Variants in COL6A5 observed in about 807,000 individuals in gnomAD.
The protein encoded by COL6A5 is collagen alpha-5(VI) chain.
Under a neutral mutation model 65.6 loss-of-function variants are expected in COL6A5, and 48 were observed. The observed-to-expected ratio is 0.73, with a 90% CI of 0.58 to 0.93. The LOEUF (loss-of-function observed/expected upper bound fraction) is 0.93. Ranked by LOEUF, COL6A5 falls within the 40% of genes least tolerant of loss-of-function variation. The pLI is 0.00. For missense variants in COL6A5, 914 were observed against 928.3 expected (o/e 0.98, Z 0.20); for synonymous variants, 291 against 322.8 (o/e 0.90, Z 1.05).
At chr3:130,450,093 TGGTTTGTTGGG>T (rs1709397579) in intron 4 of COL6A5, among the ~76,000 whole-genome samples, 2 of 5,646 alleles carry the variant, frequency 3.5e-4, no homozygotes, top group African/African-American at 4.6e-4. Flanking sequence ...GGGACCCATT[TGGTTTGTTGGG>T]ACCCATTTGG....
chr3:130,366,079 A>T, intron 1 of COL6A5, among the ~76,000 whole-genome samples: 1 of 152,168 alleles, frequency 6.6e-6, no homozygotes. Flanking sequence ...AATGCTGCTG[A>T]TTTGGGGCCT....
intron 7 of COL6A5, among the ~76,000 whole-genome samples, chr3:130,394,511 C>A (rs917122312): frequency 3.3e-5 from 5 of 152,096 alleles, no homozygotes; most frequent in Non-Finnish European, 1.5e-5. Context: ...AATAATAGTA[C>A]AGTAAGTAAG....
At chr3:130,478,256 G>A (rs1292092763) in intron 7 of COL6A5, among the ~76,000 whole-genome samples, 1 of 152,100 alleles carries the variant, frequency 6.6e-6, no homozygotes, top group Non-Finnish European at 1.5e-5. Context: ...TGTTGATGAT[G>A]ACAGTGATGA....
intron 7 of COL6A5, among the ~76,000 whole-genome samples, chr3:130,480,394 T>C (rs114985673): frequency 0.014 from 2,087 of 152,112 alleles, 56 homozygotes; most frequent in African/African-American, 0.048. Flanking sequence ...CAGAGAATTA[T>C]GATTAGGCAA....
exon 4 of COL6A5, chr3:130,379,453 G>C: frequency 6.4e-7 from 1 of 1,551,046 alleles, no homozygotes. Flanking sequence ...AGATTCACTC[G>C]CTGACCTCGT....
intron 1 of COL6A5, among the ~76,000 whole-genome samples, chr3:130,362,351 T>C (rs1377996694): frequency 7.5e-6 from 1 of 133,442 alleles, no homozygotes; most frequent in Non-Finnish European, 1.6e-5. Context: ...TTTTTTTGCA[T>C]GTGGATGTCT....
chr3:130,459,482 T>C (rs143869219), intron 5 of COL6A5, among the ~76,000 whole-genome samples: 2 of 152,160 alleles, frequency 1.3e-5, no homozygotes, highest in Admixed American at 1.3e-4. Flanking sequence ...TCTGGAGACA[T>C]TTTTTTAATT....
At position 130,385,236 on chromosome 3, in the gene COL6A5, T is replaced by C. The variant is rs1343308027; in HGVS notation, c.1733T>C (p.Ile578Thr). The C allele has an allele frequency of 8.4e-6, 13 of 1,550,920 alleles. No individual in the cohort carries two copies. The Admixed American group carries it at 1.4e-4, about 16-fold the overall frequency. The stretch of plus-strand genomic sequence containing the variant: ...CAAATCACTGTTCATGCAGTTGGCA[T>C]TGGGGCAGCTAATAAAATAGAACTG... Residue 578 changes from isoleucine (I) to threonine (T), a missense_variant and NMD_transcript_variant, in exon 5 of 42, where the codon ATT becomes ACT. Transcript: ENST00000312481.
rs887215013 is a variant in COL6A5, at chr3:130,390,910, T to C, written c.2417-269T>C. Among the ~76,000 whole-genome samples the C allele has an allele frequency of 2.0e-5, 3 of 152,142 alleles. No individual in the cohort carries two copies. The South Asian group carries it at 6.2e-4, about 31-fold the overall frequency. On this transcript the variant is annotated intron_variant and NMD_transcript_variant, in intron 6 of 41. Coordinates refer to the COL6A5 transcript ENST00000312481. ...CATGTCCTAATGAGATATATCAAAA[T>C]AGAGTGGTGTGGCATAAGGACCAGC...
chr3:130,362,312 ATATATATATATATATTTTTTTTTT>A (rs1421270734), intron 1 of COL6A5, among the ~76,000 whole-genome samples: 18 of 13,852 alleles, frequency 1.3e-3, no homozygotes, highest in African/African-American at 4.4e-3. Flanking sequence ...ATATATATAT[ATATATATATATATATTTTTTTTTT>A]TTTTTTTTTT....
rs372079187 is a variant in COL6A5 at position 130,362,950 on chromosome 3, T to C, written c.-28-10661T>C. On this transcript the variant is annotated intron_variant and NMD_transcript_variant, in intron 1 of 41. Transcript: ENST00000312481. ...ACAGGTTCCTTGAAGAGAACATATATTCAATGTGTTTTAATTTCTGACAAT... is the reference window on the plus strand; with the variant it reads ...ACAGGTTCCTTGAAGAGAACATATACTCAATGTGTTTTAATTTCTGACAAT... Among the ~76,000 whole-genome samples, 16 of 152,366 alleles carry C rather than the reference T, an allele frequency of 1.1e-4. No homozygotes were observed. The East Asian group carries it at 1.7e-3, about 17-fold the overall frequency.
At chr3:130,431,789 C>T (rs1296288857) in exon 1 of COL6A5, 9 of 1,551,436 alleles carry the variant, frequency 5.8e-6, no homozygotes, top group South Asian at 2.4e-5. Context: ...TTCAAGCGGA[C>T]GTATGCAGGA....
exon 6 of COL6A5, chr3:130,468,817 A>G (rs781015067): frequency 1.5e-4 from 247 of 1,608,568 alleles, no homozygotes; most frequent in Non-Finnish European, 2.0e-4. Context: ...ATGGCAGAAA[A>G]GAAGAACCAG....
At chr3:130,370,882 G>T (rs1439415294) in intron 1 of COL6A5, among the ~76,000 whole-genome samples, 4 of 152,190 alleles carry the variant, frequency 2.6e-5, no homozygotes, top group African/African-American at 4.8e-5. Context: ...GCTGAAGAAA[G>T]AATGGGAGCA....
chr3:130,472,832 C>CACATAT (rs1553760928), intron 7 of COL6A5, among the ~76,000 whole-genome samples: 17 of 99,404 alleles, frequency 1.7e-4, no homozygotes, highest in African/African-American at 6.3e-4. Flanking sequence ...TGTGTGTATA[C>CACATAT]ATATATATAT....
At chr3:130,466,477 A>G (rs1559918014) in intron 5 of COL6A5, among the ~76,000 whole-genome samples, 1 of 152,038 alleles carries the variant, frequency 6.6e-6, no homozygotes, top group Non-Finnish European at 1.5e-5. Context: ...AGCAGTACTT[A>G]CGGGAAAATA....
At chr3:130,389,178 T>C in intron 6 of COL6A5, 44 bp downstream of exon 6, 1 of 1,275,634 alleles carries the variant, frequency 7.8e-7, no homozygotes, top group Non-Finnish European at 1.0e-6. Flanking sequence ...ATGTGAGCTG[T>C]TGACTTTATA....
At chr3:130,466,235 C>T (rs1221980807) in intron 5 of COL6A5, among the ~76,000 whole-genome samples, 2 of 151,924 alleles carry the variant, frequency 1.3e-5, no homozygotes, top group Non-Finnish European at 2.9e-5. Context: ...AAACAATGCT[C>T]AACATTTTAA....
chr3:130,376,948 T>A, intron 3 of COL6A5, 112 bp downstream of exon 3: 6 of 1,245,190 alleles, frequency 4.8e-6, no homozygotes, highest in Admixed American at 5.7e-5. Flanking sequence ...TGTTGAAGTA[T>A]TGGAAACTTC....
Sources: gnomAD v4.1 joint callset for allele counts (sites outside exome capture counted in the v4.1 genomes callset) on GRCh38, gnomAD v4.1.1 for gene constraint, MANE v1.5 for transcripts, NCBI Gene and HGNC (gene_info 2026-07-23, HGNC 2026-07-21) for gene names.